The following AFP variants were observed in gnomAD, a reference collection of about 807,000 sequenced individuals.
AFP encodes alpha-fetoprotein.
Under a neutral mutation model 78.9 loss-of-function variants are expected in AFP, and 64 were observed. The observed-to-expected ratio is 0.81, with a 90% confidence interval of 0.66 to 1.00. The LOEUF is 1.00. AFP is among the 50% of genes least tolerant of loss of function. The probability of loss-of-function intolerance (pLI) is 0.00; values close to 1 mark genes in which losing one functional copy is unlikely to be tolerated. For synonymous variants in AFP, 254 were observed against 243.8 expected (o/e 1.04, Z -0.39); for missense variants, 689 against 703.8 (o/e 0.98, Z 0.24).
Position 73,438,221 on chromosome 4 carries a change from A to T in AFP, c.185A>T (p.Glu62Val). 2 of 1,613,502 alleles carry T rather than the reference A, an allele frequency of 1.2e-6. No homozygotes were observed. The highest frequency in any genetic ancestry group is 1.7e-6 in the Non-Finnish European group (2 of 1,179,534). Residue 62 changes from glutamate (E) to valine (V), a missense_variant, in exon 3 of 15, where the codon GAA becomes GTA. Coordinates refer to ENST00000395792, the MANE Select transcript of AFP (RefSeq NM_001134.3). ...AQFVQEATYK[E>V]VSKMVKDALT... ...TTTGTTCAAGAAGCCACTTACAAGG[A>T]AGTAAGCAAAATGGTGAAAGATGCA... is the stretch of plus-strand genomic sequence containing the variant.
intron 3 of AFP, 111 bp downstream of exon 3, chr4:73,438,417 T>C: frequency 7.9e-7 from 1 of 1,262,850 alleles, no homozygotes; most frequent in Non-Finnish European, 1.1e-6. Context: ...TGAAGAGCTA[T>C]TGTATGAAAG....
chr4:73,438,858 C>T (rs1164598026), intron 3 of AFP, among the ~76,000 whole-genome samples: 2 of 152,086 alleles, frequency 1.3e-5, no homozygotes, highest in Admixed American at 6.6e-5. Context: ...ATTTATTAAA[C>T]ATTTAAAATA....
At position 73,455,732 on chromosome 4, in the gene AFP, T is replaced by G; in HGVS notation, c.*112T>G. ...TGAATTAATGAAATGATAAAGACTT[T>G]TATGTGAGATTTCCTTATCACAGAA... On this transcript the variant is annotated 3_prime_UTR_variant, in exon 15 of 15. Transcript: ENST00000395792. 1.5e-6 allele frequency: 1 copy of G among 665,662 alleles called. No individual in the cohort carries two copies. The highest frequency in any genetic ancestry group is 2.8e-5 in the East Asian group (1 of 36,294). The allele number at this position is 665,662 out of a possible 1,614,324, so 41.2% of individuals were successfully genotyped here.
intron 10 of AFP, 123 bp downstream of exon 10, chr4:73,450,256 TTAAG>T: frequency 1.2e-6 from 1 of 866,794 alleles, no homozygotes; most frequent in Non-Finnish European, 1.8e-6. Flanking sequence ...GGTATTGACT[TTAAG>T]TTCCCCATAC....
chr4:73,445,483 TTAAA>T (rs1719794088), intron 7 of AFP, among the ~76,000 whole-genome samples: 1 of 152,234 alleles, frequency 6.6e-6, no homozygotes, highest in Non-Finnish European at 1.5e-5. Context: ...TAAATATATA[TTAAA>T]TACTTTCTAT....
rs755283887 is a variant in AFP at position 73,438,322 on chromosome 4, T to TA, written c.270+22dup. ...AGAAAACCAGGTGAGTGAATAATTT[T>TA]AAAAAAGCATTGTGATATTTGACAA... On this transcript the variant is annotated intron_variant, in intron 3 of 14. Coordinates refer to ENST00000395792, the MANE Select transcript of AFP (RefSeq NM_001134.3). 1.9e-6 allele frequency: 3 copies of TA among 1,603,780 alleles called. No homozygotes were observed. In the African/African-American group the frequency reaches 4.0e-5, roughly 21 times the overall value.
rs146140853 is a variant in AFP at position 73,442,371 on chromosome 4, C to T, written c.558C>T (p.Asp186=). ...TTCTTCTTTGGGCTGCTCGCTATGACAAAATAATTCCATCTTGCTGCAAAG... is the reference window on the plus strand; with the variant it reads ...TTCTTCTTTGGGCTGCTCGCTATGATAAAATAATTCCATCTTGCTGCAAAG... The part of the protein sequence containing the change: ...PTILLWAARY[D]KIIPSCCKAE... Residue 186 remains aspartate, a synonymous_variant, in exon 5 of 15, where the codon GAC becomes GAT. Transcript: ENST00000395792. 4.3e-6 allele frequency: 7 copies of T among 1,613,904 alleles called. No individual in the cohort carries two copies. Among genetic ancestry groups the T allele is most frequent in the Non-Finnish European group, 5.9e-6 (7 of 1,179,976 alleles).
chr4:73,455,509 C>A, intron 14 of AFP, 122 bp from the exon 15 acceptor site: 1 of 644,340 alleles, frequency 1.6e-6, no homozygotes, highest in Non-Finnish European at 2.7e-6. Flanking sequence ...AAGACTTCAA[C>A]AAATGCTATC....
intron 2 of AFP, 36 bp downstream of exon 2, chr4:73,437,247 T>A (rs373562505): frequency 1.3e-6 from 2 of 1,523,824 alleles, no homozygotes; most frequent in East Asian, 4.5e-5. Context: ...TTTAAATGTG[T>A]AAAGCAAGGA....
chr4:73,447,031 C>T (rs1719849794), intron 7 of AFP, among the ~76,000 whole-genome samples: 1 of 152,012 alleles, frequency 6.6e-6, no homozygotes. Context: ...AATATGTTTT[C>T]CTTCATTGTA....
At chr4:73,454,157 G>A (rs1358083236) in intron 13 of AFP, among the ~76,000 whole-genome samples, 1 of 151,774 alleles carries the variant, frequency 6.6e-6, no homozygotes, top group Non-Finnish European at 1.5e-5. Context: ...AACCCATAAA[G>A]TGAATGTGTA....
In AFP at chr4:73,443,443, A is replaced by G; in HGVS notation, c.712A>G (p.Ile238Val). 1 of 1,601,206 alleles carries G rather than the reference A, an allele frequency of 6.2e-7. No individual in the cohort carries two copies. Among genetic ancestry groups the G allele is most frequent in the Non-Finnish European group, 8.6e-7 (1 of 1,168,296 alleles). The change falls in exon 6 of 15, where the codon ATA becomes GTA. Residue 238 changes from isoleucine (I) to valine (V), a missense_variant and splice_region_variant. Coordinates refer to ENST00000395792, the MANE Select transcript of AFP (RefSeq NM_001134.3). The stretch of plus-strand genomic sequence containing the variant: ...TTTTGGGACCCGAACTTTCCAAGCC[A>G]TGTAAGTTCAAGTTCTATCTAGGGA... ...KNFGTRTFQAITVTKLSQKFT... is the reference protein window; with the variant it reads ...KNFGTRTFQAVTVTKLSQKFT...
chr4:73,450,794 T>G, intron 11 of AFP, 41 bp downstream of exon 11: 1 of 1,612,876 alleles, frequency 6.2e-7, no homozygotes, highest in Non-Finnish European at 8.5e-7. Context: ...ATTTCTGCCC[T>G]GTTTGACTTG....
At chr4:73,441,297 T>C (rs905243195) in intron 4 of AFP, among the ~76,000 whole-genome samples, 1 of 152,010 alleles carries the variant, frequency 6.6e-6, no homozygotes, top group Non-Finnish European at 1.5e-5. Context: ...CCGGGCGCGG[T>C]GGCTCACGCT....
At position 73,443,330 on chromosome 4, in the gene AFP, G is replaced by A. The variant is rs759207549; in HGVS notation, c.616-17G>A. The A allele has an allele frequency of 1.0e-5, 16 of 1,582,712 alleles. No individual in the cohort carries two copies. In the Admixed American group the frequency reaches 2.5e-4, roughly 25 times the overall value. On this transcript the variant is annotated splice_polypyrimidine_tract_variant and intron_variant, in intron 5 of 14. Transcript: ENST00000395792. ...TTAGTATATGCTTTCATGACATTTT[G>A]TTTCCTCTACATCTAGGCAGCAACA...
chr4:73,439,018 A>G (rs1025965074), intron 3 of AFP, among the ~76,000 whole-genome samples: 8 of 152,142 alleles, frequency 5.3e-5, no homozygotes, highest in African/African-American at 1.9e-4. Flanking sequence ...GCTTCATTAC[A>G]CTATAACTAT....
At chr4:73,451,627 C>T (rs1166492999) in intron 11 of AFP, among the ~76,000 whole-genome samples, 1 of 152,160 alleles carries the variant, frequency 6.6e-6, no homozygotes, top group Admixed American at 6.5e-5. Context: ...AGCCAACAAC[C>T]GCATTCTACT....
At chr4:73,453,959 A>G (rs1319512721) in intron 13 of AFP, 62 bp downstream of exon 13, 1 of 1,588,900 alleles carries the variant, frequency 6.3e-7, no homozygotes, top group Non-Finnish European at 8.6e-7. Flanking sequence ...GTGGATAATG[A>G]AAGGAAGACC....
In AFP at chr4:73,453,620, T is replaced by C. The variant is rs1720073647; in HGVS notation, c.1653-145T>C. The C allele has an allele frequency of 4.6e-6, 4 of 879,050 alleles. No homozygotes were observed. The Admixed American group carries it at 8.7e-5, about 19-fold the overall frequency. The allele number at this position is 879,050 out of a possible 1,614,324, so 54.5% of individuals were successfully genotyped here. ...TCAGCCTCAATCTTTCTACTGAAAG[T>C]ACTAGACAAGGTGTGTGTGGTCAGT... On this transcript the variant is annotated intron_variant, in intron 12 of 14. Coordinates refer to ENST00000395792, the MANE Select transcript of AFP (RefSeq NM_001134.3).
Sources: gnomAD v4.1 joint callset for allele counts (sites outside exome capture counted in the v4.1 genomes callset) on GRCh38, gnomAD v4.1.1 for gene constraint, MANE v1.5 for transcripts, NCBI Gene and HGNC (gene_info 2026-07-23, HGNC 2026-07-21) for gene names.